Variants in TENM4 observed in about 807,000 individuals in gnomAD.
TENM4 encodes teneurin transmembrane protein 4.
Under a neutral mutation model 243.3 loss-of-function variants are expected in TENM4, and 82 were observed. That is an observed-to-expected ratio of 0.34 (90% CI 0.28 to 0.40). The LOEUF (loss-of-function observed/expected upper bound fraction) is 0.40. Ranked by LOEUF, TENM4 falls within the 10% of genes least tolerant of loss-of-function variation. TENM4 has a pLI of 1.00. For missense variants in TENM4, 3,138 were observed against 3,673.3 expected (o/e 0.85, Z 3.77); for synonymous variants, 1,412 against 1,456.3 (o/e 0.97, Z 0.69).
Position 78,897,226 on chromosome 11 carries a change from G to A in TENM4, c.750-5890C>T, listed in dbSNP as rs139675085. ...ACCTGTTGCTGGGGGAATGAAGTGC[G>A]TCCTGTGTGACTCCACTGAGAGAGG... On this transcript the variant is annotated intron_variant, in intron 7 of 33. Transcript: ENST00000278550. 2.5e-3 allele frequency among the ~76,000 whole-genome samples: 387 copies of A among 152,238 alleles called. 3 individuals carry two copies. Among genetic ancestry groups the A allele is most frequent in the African/African-American group, 8.6e-3 (356 of 41,542 alleles).
At chr11:78,807,230 A>G (rs1857408012) in intron 14 of TENM4, among the ~76,000 whole-genome samples, 1 of 152,178 alleles carries the variant, frequency 6.6e-6, no homozygotes, top group South Asian at 2.1e-4. Context: ...AAATTGCTGG[A>G]TCATATGGTA....
Position 78,771,228 on chromosome 11 carries a change from G to A in TENM4, c.2393-90C>T, listed in dbSNP as rs1316817029. 3.4e-6 allele frequency: 5 copies of A among 1,481,134 alleles called. No homozygotes were observed. The African/African-American group carries it at 5.6e-5, about 16-fold the overall frequency. 91.7% of individuals were successfully genotyped at this position (1,481,134 alleles called of 1,614,324 possible). On this transcript the variant is annotated intron_variant, in intron 17 of 33. Transcript: ENST00000278550. ...CACGCTACCTGCCAACTTGCAAAAT[G>A]CCTTCATATCCATCAGCACACGAAT...
At chr11:78,925,144 T>C (rs1856526848) in intron 6 of TENM4, among the ~76,000 whole-genome samples, 1 of 152,222 alleles carries the variant, frequency 6.6e-6, no homozygotes, top group African/African-American at 2.4e-5. Context: ...TTCCAGCTTT[T>C]TCCCCTTCTC....
chr11:78,960,957 G>A (rs1490537527), intron 6 of TENM4, among the ~76,000 whole-genome samples: 1 of 152,186 alleles, frequency 6.6e-6, no homozygotes, highest in Non-Finnish European at 1.5e-5. Flanking sequence ...TGTGATGGGT[G>A]CTCATCATGA....
chr11:79,043,975 T>G (rs1480668893), intron 6 of TENM4, among the ~76,000 whole-genome samples: 1 of 152,174 alleles, frequency 6.6e-6, no homozygotes, highest in East Asian at 1.9e-4. Flanking sequence ...TTTTGCCGGT[T>G]TTGCACTAAG....
At chr11:79,394,031 G>A (rs531521102) in intron 1 of TENM4, among the ~76,000 whole-genome samples, 11 of 152,272 alleles carry the variant, frequency 7.2e-5, no homozygotes, top group African/African-American at 2.6e-4. Flanking sequence ...AAGAAAGTGA[G>A]AATTGAACCC....
intron 29 of TENM4, among the ~76,000 whole-genome samples, chr11:78,684,454 C>A (rs955255027): frequency 6.6e-6 from 1 of 152,216 alleles, no homozygotes; most frequent in Non-Finnish European, 1.5e-5. Flanking sequence ...ATGTGCCTGG[C>A]ACTGTGCTAG....
chr11:79,037,037 A>G (rs5792835), intron 6 of TENM4, among the ~76,000 whole-genome samples: 62,075 of 102,086 alleles, frequency 0.61, 17,810 homozygotes, highest in Non-Finnish European at 0.71. Context: ...AAAAAAAAAA[A>G]AAAAAAAAGA....
chr11:79,303,134 C>T (rs1856575831), intron 1 of TENM4, among the ~76,000 whole-genome samples: 1 of 152,216 alleles, frequency 6.6e-6, no homozygotes, highest in Non-Finnish European at 1.5e-5. Context: ...GAAGCCTCCT[C>T]TCTTCAAGAT....
chr11:79,150,840 C>T (rs1862494023), intron 3 of TENM4, among the ~76,000 whole-genome samples: 1 of 152,082 alleles, frequency 6.6e-6, no homozygotes. Context: ...TAACCATAAA[C>T]TACACTTTAT....
At chr11:79,259,030 CA>C (rs1479254309) in intron 2 of TENM4, among the ~76,000 whole-genome samples, 75 of 152,274 alleles carry the variant, frequency 4.9e-4, no homozygotes, top group Non-Finnish European at 1.8e-4. Flanking sequence ...ATTTGGTTCA[CA>C]ATGCAGAGAA....
At chr11:78,925,017 A>G (rs2136399115) in intron 6 of TENM4, among the ~76,000 whole-genome samples, 1 of 152,334 alleles carries the variant, frequency 6.6e-6, no homozygotes, top group African/African-American at 2.4e-5. Flanking sequence ...TTGCAAAATT[A>G]AAAGTAATTT....
At chr11:79,214,793 C>T (rs1453932014) in intron 3 of TENM4, among the ~76,000 whole-genome samples, 1 of 152,210 alleles carries the variant, frequency 6.6e-6, no homozygotes, top group Non-Finnish European at 1.5e-5. Flanking sequence ...GCTACAGAGA[C>T]CAAAGGGGCC....
At chr11:79,372,547 C>A (rs1364791230) in intron 1 of TENM4, among the ~76,000 whole-genome samples, 1 of 152,144 alleles carries the variant, frequency 6.6e-6, no homozygotes, top group Non-Finnish European at 1.5e-5. Context: ...ATCCTTTGCT[C>A]AGAGCCAATA....
intron 9 of TENM4, among the ~76,000 whole-genome samples, chr11:78,886,120 A>C (rs922785693): frequency 6.6e-6 from 1 of 152,220 alleles, no homozygotes; most frequent in Non-Finnish European, 1.5e-5. Context: ...ATTACAAATG[A>C]AAAGGTTATT....
At chr11:79,416,423 A>C (rs1202884374) in intron 1 of TENM4, among the ~76,000 whole-genome samples, 3 of 152,190 alleles carry the variant, frequency 2.0e-5, no homozygotes, top group Non-Finnish European at 4.4e-5. Flanking sequence ...GTGGGTTTGA[A>C]GTGGTATCTT....
intron 6 of TENM4, among the ~76,000 whole-genome samples, chr11:79,003,209 A>C (rs970646999): frequency 1.3e-5 from 2 of 152,304 alleles, no homozygotes; most frequent in African/African-American, 4.8e-5. Flanking sequence ...GAGGAAGAGA[A>C]AGCAAGCAAC....
intron 4 of TENM4, among the ~76,000 whole-genome samples, chr11:79,098,358 C>T (rs1861138586): frequency 6.6e-6 from 1 of 152,184 alleles, no homozygotes; most frequent in Non-Finnish European, 1.5e-5. Context: ...TCTCCTGACC[C>T]CTGGCTCCTG....
At chr11:79,199,116 A>G (rs1315087116) in intron 3 of TENM4, among the ~76,000 whole-genome samples, 1 of 152,142 alleles carries the variant, frequency 6.6e-6, no homozygotes, top group Non-Finnish European at 1.5e-5. Context: ...TTCATTATAC[A>G]AATACTCGTG....
Sources: gnomAD v4.1 joint callset for allele counts (sites outside exome capture counted in the v4.1 genomes callset) on GRCh38, gnomAD v4.1.1 for gene constraint, MANE v1.5 for transcripts, NCBI Gene and HGNC (gene_info 2026-07-23, HGNC 2026-07-21) for gene names.